Variants in WDR75 observed in about 807,000 individuals in gnomAD.
WDR75 encodes the protein WD repeat domain 75.
In WDR75, 52 loss-of-function variants were observed where a neutral mutation model predicts 106.1. That is an observed-to-expected ratio of 0.49 (90% CI 0.39 to 0.62). The LOEUF is 0.62. Among genes scored for constraint, WDR75 ranks in the 20% least tolerant of loss-of-function variants. WDR75 has a pLI of 0.00. For missense variants in WDR75, 905 were observed against 970.3 expected (o/e 0.93, Z 0.89); for synonymous variants, 333 against 335.5 (o/e 0.99, Z 0.08).
intron 5 of WDR75, among the ~76,000 whole-genome samples, chr2:189,456,299 A>C (rs952889872): frequency 1.7e-4 from 26 of 152,154 alleles, no homozygotes; most frequent in African/African-American, 6.3e-4. Context: ...ATTCCTACAT[A>C]AAGAGATGAA....
intron 1 of WDR75, among the ~76,000 whole-genome samples, chr2:189,445,427 G>A (rs896533597): frequency 6.6e-6 from 1 of 151,962 alleles, no homozygotes; most frequent in African/African-American, 2.4e-5. Context: ...AAGCACATTA[G>A]GACGGGTGCT....
Position 189,441,587 on chromosome 2 carries a change from G to T in WDR75, c.86+9G>T. The T allele has an allele frequency of 6.4e-7, 1 of 1,554,654 alleles. No homozygotes were observed. Among genetic ancestry groups the T allele is most frequent in the Non-Finnish European group, 8.7e-7 (1 of 1,147,932 alleles). On this transcript the variant is annotated intron_variant, in intron 1 of 20. Transcript: ENST00000314761. ...TTCTCTGCAGATTCTAAGTATGAGGGGCACCGCGCTTTGTCGGCTGAGGGG... is the reference window on the plus strand; with the variant it reads ...TTCTCTGCAGATTCTAAGTATGAGGTGCACCGCGCTTTGTCGGCTGAGGGG...
Position 189,455,423 on chromosome 2 carries a change from G to C in WDR75, c.477G>C (p.Lys159Asn). 6.2e-7 allele frequency: 1 copy of C among 1,608,762 alleles called. No homozygotes were observed. The highest frequency in any genetic ancestry group is 8.5e-7 in the Non-Finnish European group (1 of 1,178,248). ...FVLDYINQSPKCIAFGNEGVY... is the reference protein window; with the variant it reads ...FVLDYINQSPNCIAFGNEGVY... ...TGGATTACATAAACCAGTCACCCAAGTGCATTGCCTTTGGAAACGAGGTAA... is the reference window on the plus strand; with the variant it reads ...TGGATTACATAAACCAGTCACCCAACTGCATTGCCTTTGGAAACGAGGTAA... The change falls in exon 5 of 21, where the codon AAG becomes AAC. Residue 159 changes from lysine to asparagine, a missense_variant. Transcript: ENST00000314761.
rs558297338 is a variant in WDR75, at chr2:189,449,533, A to G, written c.216+1025A>G. On this transcript the variant is annotated intron_variant, in intron 2 of 20. Transcript: ENST00000314761. Reference sequence around the variant, plus strand: ...TTGTGAAGTCCATATACTAAGTTTTATAGCCAAAAAAACGTATACACAATT... The same window carrying G: ...TTGTGAAGTCCATATACTAAGTTTTGTAGCCAAAAAAACGTATACACAATT... 8 of 1,085,388 alleles carry G rather than the reference A, an allele frequency of 7.4e-6. No individual in the cohort carries two copies. The South Asian group carries it at 1.0e-4, about 14-fold the overall frequency. 67.2% of individuals were successfully genotyped at this position (1,085,388 alleles called of 1,614,324 possible).
chr2:189,457,865 T>C (rs1021714923), intron 6 of WDR75, among the ~76,000 whole-genome samples: 1 of 151,790 alleles, frequency 6.6e-6, no homozygotes, highest in Admixed American at 6.6e-5. Context: ...TGCTAAGTAT[T>C]GAATAGTTAA....
chr2:189,457,465 A>T, intron 6 of WDR75, 84 bp downstream of exon 6: 3 of 849,004 alleles, frequency 3.5e-6, no homozygotes, highest in Non-Finnish European at 5.6e-6. Context: ...TATAGTCCAA[A>T]GCTATTCCTA....
intron 3 of WDR75, 68 bp from the exon 4 acceptor site, chr2:189,451,737 C>T (rs1056879925): frequency 1.4e-6 from 2 of 1,403,580 alleles, no homozygotes; most frequent in African/African-American, 2.9e-5. Context: ...AAAACCCCTG[C>T]CTTGATGGAT....
intron 12 of WDR75, 45 bp from the exon 13 acceptor site, chr2:189,466,380 C>T: frequency 6.2e-7 from 1 of 1,600,912 alleles, no homozygotes; most frequent in Non-Finnish European, 8.5e-7. Flanking sequence ...ATATACATCA[C>T]TTTGTCCTCA....
chr2:189,465,599 GTGTAGCATAGTATAA>G (rs1686983961), intron 12 of WDR75, among the ~76,000 whole-genome samples: 1 of 152,134 alleles, frequency 6.6e-6, no homozygotes. Flanking sequence ...GTAGGTAGAA[GTGTAGCATAGTATAA>G]TGTAGCATGG....
chr2:189,447,015 T>C (rs1267310084), intron 1 of WDR75, among the ~76,000 whole-genome samples: 1 of 152,202 alleles, frequency 6.6e-6, no homozygotes, highest in East Asian at 1.9e-4. Flanking sequence ...GAATGATTCA[T>C]GTCTCAGGTG....
At chr2:189,472,649 CT>C (rs1296740921) in intron 18 of WDR75, among the ~76,000 whole-genome samples, 3 of 151,682 alleles carry the variant, frequency 2.0e-5, no homozygotes, top group African/African-American at 7.3e-5. Context: ...TCTTGGCTGT[CT>C]TTGGATTTAA....
chr2:189,457,808 TAACA>T (rs1286937482), intron 6 of WDR75, among the ~76,000 whole-genome samples: 1 of 152,052 alleles, frequency 6.6e-6, no homozygotes, highest in African/African-American at 2.4e-5. Context: ...AATATCTACC[TAACA>T]GAGTTGTACT....
In WDR75 at chr2:189,451,876, A is replaced by G. The variant is rs750041271; in HGVS notation, c.354A>G (p.Ile118Met). The G allele has an allele frequency of 5.0e-6, 8 of 1,613,094 alleles. No individual in the cohort carries two copies. The Admixed American group carries it at 1.3e-4, about 27-fold the overall frequency. The change falls in exon 4 of 21, where the codon ATA becomes ATG. Residue 118 changes from isoleucine to methionine, a missense_variant. Ile to Met is a conservative substitution (Grantham distance 10). Coordinates refer to ENST00000314761, the MANE Select transcript of WDR75 (RefSeq NM_032168.3). ...AAGCTGAGGATTCTGTCTTTGTTAT[A>G]GTGAATAAAGAAAAACCAGGTATGG... ...LAQAEDSVFV[I>M]VNKEKPDIFQ... is the part of the protein sequence containing the mutation.
intron 18 of WDR75, among the ~76,000 whole-genome samples, chr2:189,472,941 G>A (rs910333969): frequency 3.9e-5 from 6 of 152,072 alleles, no homozygotes; most frequent in East Asian, 1.9e-4. Flanking sequence ...TAAGGAGGCC[G>A]GGCACGGTGG....
At chr2:189,448,615 T>A in intron 2 of WDR75, 107 bp downstream of exon 2, 1 of 1,445,590 alleles carries the variant, frequency 6.9e-7, no homozygotes, top group Non-Finnish European at 9.5e-7. Context: ...GTAAAATATT[T>A]GCTTATTTTC....
intron 4 of WDR75, among the ~76,000 whole-genome samples, chr2:189,452,652 A>G (rs1184046063): frequency 6.6e-6 from 1 of 152,222 alleles, no homozygotes; most frequent in Non-Finnish European, 1.5e-5. Context: ...GGTCCATTGA[A>G]ACTGCTGTGC....
At chr2:189,447,904 G>A (rs985101149) in intron 1 of WDR75, among the ~76,000 whole-genome samples, 1 of 152,152 alleles carries the variant, frequency 6.6e-6, no homozygotes, top group African/African-American at 2.4e-5. Flanking sequence ...ATTTTGAATT[G>A]TAGCTCCCAT....
chr2:189,471,456 G>A (rs925568364), intron 18 of WDR75, among the ~76,000 whole-genome samples: 6 of 152,196 alleles, frequency 3.9e-5, no homozygotes, highest in Admixed American at 3.3e-4. Context: ...AAGCCATGTA[G>A]TAATAGGCAG....
intron 1 of WDR75, among the ~76,000 whole-genome samples, chr2:189,442,301 T>A (rs1205863892): frequency 1.3e-5 from 2 of 152,146 alleles, no homozygotes; most frequent in East Asian, 3.9e-4. Flanking sequence ...GCTCAATGTA[T>A]GTAGCTGTAA....
Sources: allele counts gnomAD v4.1 joint callset (sites outside exome capture counted in the v4.1 genomes callset), GRCh38; gene constraint gnomAD v4.1.1; transcripts MANE v1.5; gene names NCBI Gene and HGNC (gene_info 2026-07-23, HGNC 2026-07-21).